Variants in MAD1L1 observed in about 807,000 individuals in gnomAD.
The protein encoded by MAD1L1 is mitotic spindle assembly checkpoint protein MAD1.
Under a neutral mutation model 96.9 loss-of-function variants are expected in MAD1L1, and 95 were observed. The observed-to-expected ratio is 0.98, with a 90% CI of 0.83 to 1.16. MAD1L1 has a LOEUF of 1.16. Ranked by LOEUF, MAD1L1 falls within the 50% of genes most tolerant of loss-of-function variation. MAD1L1 has a pLI of 0.00. For synonymous variants in MAD1L1, 473 were observed against 396.6 expected (o/e 1.19, Z -2.29); for missense variants, 1,007 against 954.4 (o/e 1.06, Z -0.73).
chr7:1,862,025 G>A (rs1388456872), intron 18 of MAD1L1, among the ~76,000 whole-genome samples: 3 of 152,208 alleles, frequency 2.0e-5, no homozygotes, highest in Non-Finnish European at 4.4e-5. Context: ...AGTGACTAGA[G>A]AAGTGAGTCT....
At chr7:2,018,624 C>T (rs962527435) in intron 12 of MAD1L1, among the ~76,000 whole-genome samples, 1 of 152,326 alleles carries the variant, frequency 6.6e-6, no homozygotes, top group Admixed American at 6.5e-5. Flanking sequence ...GGCAGGCAGG[C>T]AGCTCCATAT....
intron 12 of MAD1L1, among the ~76,000 whole-genome samples, chr7:2,067,012 C>A (rs1305334084): frequency 6.6e-6 from 1 of 152,246 alleles, no homozygotes; most frequent in Admixed American, 6.5e-5. Flanking sequence ...GTAGCCCAGG[C>A]CAAGACCCAG....
At chr7:2,180,317 G>A (rs1441044625) in intron 10 of MAD1L1, among the ~76,000 whole-genome samples, 3 of 152,244 alleles carry the variant, frequency 2.0e-5, no homozygotes, top group Non-Finnish European at 4.4e-5. Flanking sequence ...ACCTGGCCCA[G>A]CGTGCACCGG....
intron 16 of MAD1L1, among the ~76,000 whole-genome samples, chr7:1,949,425 CCT>C (rs1428064716): frequency 6.6e-6 from 1 of 152,212 alleles, no homozygotes; most frequent in African/African-American, 2.4e-5. Flanking sequence ...GAACTCCATC[CCT>C]GTCTGAGGAC....
At chr7:1,842,974 G>A (rs1487803472) in intron 18 of MAD1L1, among the ~76,000 whole-genome samples, 1 of 152,246 alleles carries the variant, frequency 6.6e-6, no homozygotes, top group African/African-American at 2.4e-5. Flanking sequence ...GCCTTCAAGT[G>A]AGGCCCACAG....
chr7:2,180,113 CA>C (rs1171299838), intron 10 of MAD1L1, among the ~76,000 whole-genome samples: 2 of 152,192 alleles, frequency 1.3e-5, no homozygotes, highest in African/African-American at 4.8e-5. Context: ...CAGTGGCAAA[CA>C]AAAGACTCAC....
intron 18 of MAD1L1, among the ~76,000 whole-genome samples, chr7:1,889,602 G>A (rs565165029): frequency 1.3e-5 from 2 of 152,242 alleles, no homozygotes; most frequent in East Asian, 3.9e-4. Context: ...GCAACGCAGA[G>A]AGATGCTTCA....
intron 11 of MAD1L1, among the ~76,000 whole-genome samples, chr7:2,076,796 A>C (rs1389417926): frequency 2.7e-5 from 4 of 147,772 alleles, no homozygotes; most frequent in Non-Finnish European, 6.0e-5. Context: ...CTCACGGCAC[A>C]GTGAGCCTGA....
At chr7:2,231,358 G>A (rs918192095) in intron 1 of MAD1L1, among the ~76,000 whole-genome samples, 2 of 152,112 alleles carry the variant, frequency 1.3e-5, no homozygotes, top group Non-Finnish European at 2.9e-5. Flanking sequence ...TGTTGCTCAT[G>A]CCTGTAATCC....
chr7:2,020,715 C>T (rs1311941682), intron 12 of MAD1L1, among the ~76,000 whole-genome samples: 1 of 151,796 alleles, frequency 6.6e-6, no homozygotes, highest in Non-Finnish European at 1.5e-5. Context: ...ACACACAAGA[C>T]AGGAGAAACT....
At chr7:1,847,469 C>T (rs1324013496) in intron 18 of MAD1L1, 1 of 470,986 alleles carries the variant, frequency 2.1e-6, no homozygotes, top group Non-Finnish European at 4.4e-6. Context: ...CTGTCCCACA[C>T]AACCCAGCCC....
At chr7:2,050,956 T>C (rs1470812411) in intron 12 of MAD1L1, among the ~76,000 whole-genome samples, 1 of 152,254 alleles carries the variant, frequency 6.6e-6, no homozygotes, top group Admixed American at 6.5e-5. Context: ...ACCATGCCTT[T>C]GAGCATGACC....
chr7:2,192,085 C>T (rs1025206579), intron 10 of MAD1L1, among the ~76,000 whole-genome samples: 2 of 151,018 alleles, frequency 1.3e-5, no homozygotes, highest in African/African-American at 2.4e-5. Context: ...AAAATTAAAT[C>T]AGGGTGGAGG....
At chr7:1,993,186 A>G (rs145332739) in intron 14 of MAD1L1, among the ~76,000 whole-genome samples, 1 of 152,240 alleles carries the variant, frequency 6.6e-6, no homozygotes, top group East Asian at 1.9e-4. Context: ...AGATGCCCCC[A>G]TGGGTCATAT....
intron 14 of MAD1L1, among the ~76,000 whole-genome samples, chr7:1,981,555 A>C (rs1780908777): frequency 6.6e-6 from 1 of 152,094 alleles, no homozygotes. Flanking sequence ...CCCTGGCCCA[A>C]GTCAGAACCT....
intron 14 of MAD1L1, among the ~76,000 whole-genome samples, chr7:1,994,325 C>A (rs1234149729): frequency 6.6e-6 from 1 of 152,150 alleles, no homozygotes; most frequent in Non-Finnish European, 1.5e-5. Flanking sequence ...GGGGCAGCAG[C>A]ACGGGTCCAG....
At chr7:1,858,297 T>C (rs1784357848) in intron 18 of MAD1L1, among the ~76,000 whole-genome samples, 2 of 152,122 alleles carry the variant, frequency 1.3e-5, no homozygotes, top group Non-Finnish European at 2.9e-5. Context: ...GGCTGGCCAG[T>C]TGCACCCCAA....
chr7:1,837,843 G>C (rs748576891), intron 18 of MAD1L1, among the ~76,000 whole-genome samples: 2 of 152,250 alleles, frequency 1.3e-5, no homozygotes, highest in African/African-American at 2.4e-5. Context: ...GAAGGGTCTT[G>C]CCTTGATGGC....
intron 14 of MAD1L1, among the ~76,000 whole-genome samples, chr7:1,985,735 A>G (rs1434858478): frequency 6.6e-6 from 1 of 152,034 alleles, no homozygotes; most frequent in Non-Finnish European, 1.5e-5. Flanking sequence ...TTCTTTAGGT[A>G]GTTTTCCCCG....
Sources: gnomAD v4.1 joint callset for allele counts (sites outside exome capture counted in the v4.1 genomes callset) on GRCh38, gnomAD v4.1.1 for gene constraint, MANE v1.5 for transcripts, NCBI Gene and HGNC (gene_info 2026-07-23, HGNC 2026-07-21) for gene names.